The following RAD23B variants were observed in gnomAD, a reference collection of about 807,000 sequenced individuals.
RAD23B encodes RAD23 nucleotide excision repair protein B, also known as lysine-specific demethylase RAD23B.
RAD23B carries 5 observed loss-of-function variants against 49.1 expected under a neutral mutation model. The observed-to-expected ratio is 0.10, with a 90% CI of 0.05 to 0.21. The LOEUF (loss-of-function observed/expected upper bound fraction) is 0.21, where lower values mean the gene tolerates loss of function less well. Among genes scored for constraint, RAD23B ranks in the 10% least tolerant of loss-of-function variants. The probability of loss-of-function intolerance (pLI) is 1.00; values close to 1 mark genes in which losing one functional copy is unlikely to be tolerated. For synonymous variants in RAD23B, 184 were observed against 165.4 expected (o/e 1.11, Z -0.86); for missense variants, 356 against 486.7 (o/e 0.73, Z 2.53).
Position 107,311,633 on chromosome 9 carries a change from A to T in RAD23B, c.498-49A>T, listed in dbSNP as rs758255202. 6 of 1,356,106 alleles carry T rather than the reference A, an allele frequency of 4.4e-6. No homozygotes were observed. The South Asian group carries it at 8.1e-5, about 18-fold the overall frequency. The allele number at this position is 1,356,106 out of a possible 1,614,324, so 84.0% of individuals were successfully genotyped here. On this transcript the variant is annotated intron_variant, in intron 4 of 9. Coordinates refer to ENST00000358015, the MANE Select transcript of RAD23B (RefSeq NM_002874.5). The stretch of plus-strand genomic sequence containing the variant: ...GATAGTTACTAAACTAATGTAAATT[A>T]AATTTTATATACTTTTTAAAATGTG...
At chr9:107,305,509 A>G (rs1826743958) in intron 3 of RAD23B, among the ~76,000 whole-genome samples, 1 of 152,150 alleles carries the variant, frequency 6.6e-6, no homozygotes, top group Non-Finnish European at 1.5e-5. Context: ...GAAAAAAATT[A>G]TCATGTAAGT....
intron 5 of RAD23B, among the ~76,000 whole-genome samples, chr9:107,314,962 C>T (rs894337692): frequency 3.3e-5 from 5 of 152,108 alleles, no homozygotes; most frequent in African/African-American, 1.2e-4. Context: ...TTTTGCCAGT[C>T]ATGTTTTTTG....
chr9:107,296,533 G>A (rs1365584251), intron 1 of RAD23B, among the ~76,000 whole-genome samples: 2 of 151,690 alleles, frequency 1.3e-5, no homozygotes, highest in African/African-American at 4.8e-5. Context: ...TTTTTTATTA[G>A]TGCAAAAACA....
intron 2 of RAD23B, among the ~76,000 whole-genome samples, chr9:107,300,636 GA>G (rs1212131716): frequency 4.0e-5 from 6 of 151,360 alleles, no homozygotes; most frequent in Admixed American, 1.3e-4. Flanking sequence ...CCTACAGGAA[GA>G]AAAAAAATTA....
chr9:107,303,573 A>G lies in RAD23B; in HGVS notation c.228+1459A>G, dbSNP rs181711556. On this transcript the variant is annotated intron_variant, in intron 3 of 9. Transcript: ENST00000358015. ...TTAATCATTTTAAGTGTACAGTTCAATAACATTATAGTTACATTGTTTTGC... is the reference window on the plus strand; with the variant it reads ...TTAATCATTTTAAGTGTACAGTTCAGTAACATTATAGTTACATTGTTTTGC... Among the ~76,000 whole-genome samples the G allele has an allele frequency of 6.2e-3, 937 of 152,338 alleles. 7 individuals are homozygous for G. The highest frequency in any genetic ancestry group is 8.9e-3 in the Non-Finnish European group (607 of 68,010).
rs2133057475 is a variant in RAD23B, at chr9:107,283,709, C to CCGGGGG, written c.66+16_66+21dup. Reference sequence around the variant, plus strand: ...CCCGAGGAGACGGTATGCGCGCGGGCCGGGGGCAGGGGCAGCCGCGTGCGG... The same window carrying CCGGGGG: ...CCCGAGGAGACGGTATGCGCGCGGGCCGGGGGCGGGGGCAGGGGCAGCCGCGTGCGG... On this transcript the variant is annotated intron_variant, in intron 1 of 9. Coordinates refer to ENST00000358015, the MANE Select transcript of RAD23B (RefSeq NM_002874.5). 1.4e-6 allele frequency: 2 copies of CCGGGGG among 1,446,102 alleles called. No homozygotes were observed. The highest frequency in any genetic ancestry group is 6.4e-5 in the East Asian group (2 of 31,138). 89.6% of individuals were successfully genotyped at this position (1,446,102 alleles called of 1,614,324 possible).
chr9:107,321,646 G>A (rs10816492), intron 6 of RAD23B, among the ~76,000 whole-genome samples: 63,349 of 151,930 alleles, frequency 0.42, 14,755 homozygotes, highest in East Asian at 0.72. Flanking sequence ...GAAGGTACAT[G>A]TATCAATATT....
intron 3 of RAD23B, among the ~76,000 whole-genome samples, chr9:107,306,062 T>TAGATATATATAGATATATATATATAC (rs1272904929): frequency 8.6e-5 from 12 of 138,752 alleles, no homozygotes; most frequent in Non-Finnish European, 1.4e-4. Flanking sequence ...TATATATATA[T>TAGATATATATAGATATATATATATAC]ATATATATAT....
intron 2 of RAD23B, among the ~76,000 whole-genome samples, 183 bp from the exon 3 acceptor site, chr9:107,301,852 G>T (rs999485177): frequency 3.3e-5 from 5 of 152,078 alleles, no homozygotes; most frequent in African/African-American, 7.2e-5. Flanking sequence ...CTTAGGAGTT[G>T]TTTTATTTTT....
intron 3 of RAD23B, among the ~76,000 whole-genome samples, chr9:107,306,121 A>G (rs1298755814): frequency 6.8e-6 from 1 of 147,024 alleles, no homozygotes; most frequent in Non-Finnish European, 1.5e-5. Flanking sequence ...TTAACTTGAT[A>G]TGAAGATGGA....
chr9:107,329,494 G>A lies in RAD23B; in HGVS notation c.1117-49G>A, dbSNP rs765286615. The A allele has an allele frequency of 3.5e-6, 4 of 1,130,538 alleles. No individual in the cohort carries two copies. The African/African-American group carries it at 6.2e-5, about 18-fold the overall frequency. 70.0% of individuals were successfully genotyped at this position (1,130,538 alleles called of 1,614,324 possible). On this transcript the variant is annotated intron_variant, in intron 9 of 9. Transcript: ENST00000358015. ...CTATAATATGTAAATAAAATTAAAT[G>A]TGCCATAATTGGTGTGTTGGATTTA...
rs3056494 is a variant in RAD23B at position 107,331,689 on chromosome 9, C to CAA, written c.*2044_*2045dup. 7,802 of 687,522 alleles carry CAA rather than the reference C, an allele frequency of 0.011. 3 individuals are homozygous for CAA. The highest frequency in any genetic ancestry group is 0.019 in the South Asian group (1,248 of 64,848). 42.6% of individuals were successfully genotyped at this position (687,522 alleles called of 1,614,324 possible). On this transcript the variant is annotated 3_prime_UTR_variant, in exon 10 of 10. Coordinates refer to ENST00000358015, the MANE Select transcript of RAD23B (RefSeq NM_002874.5). ...CTCAGATCATAGTGAAAACTGGAAA[C>CAA]AAAAAAAAAAAACAGCCTCTTCTTG...
At chr9:107,304,454 G>GTAA (rs3837270) in intron 3 of RAD23B, among the ~76,000 whole-genome samples, 101,724 of 151,710 alleles carry the variant, frequency 0.67, 34,195 homozygotes, top group East Asian at 0.77. Context: ...TTTTAGAACA[G>GTAA]TAATAATCTG....
chr9:107,293,755 C>T (rs539244203), intron 1 of RAD23B, among the ~76,000 whole-genome samples: 2 of 152,270 alleles, frequency 1.3e-5, no homozygotes, highest in East Asian at 3.9e-4. Context: ...TTTGATGTCT[C>T]ATGCATGACC....
At chr9:107,314,718 T>G (rs72738211) in intron 5 of RAD23B, among the ~76,000 whole-genome samples, 8,984 of 152,314 alleles carry the variant, frequency 0.059, 384 homozygotes, top group South Asian at 0.12. Flanking sequence ...TAAATGATAG[T>G]TCTGTTTTTA....
At chr9:107,310,913 A>G (rs184708519) in intron 4 of RAD23B, among the ~76,000 whole-genome samples, 1 of 152,318 alleles carries the variant, frequency 6.6e-6, no homozygotes, top group East Asian at 1.9e-4. Context: ...CTTTCTCAGA[A>G]CTGAAATATA....
At chr9:107,283,740 G>C (rs1833207617) in intron 1 of RAD23B, 45 bp downstream of exon 1, 13 of 1,386,628 alleles carry the variant, frequency 9.4e-6, no homozygotes, top group Non-Finnish European at 1.1e-5. Flanking sequence ...TGCGGGCCGC[G>C]GGGAGCGCCA....
chr9:107,299,197 A>T (rs1225596476), intron 1 of RAD23B, among the ~76,000 whole-genome samples: 1 of 152,224 alleles, frequency 6.6e-6, no homozygotes, highest in Admixed American at 6.5e-5. Flanking sequence ...TTTTAATTGT[A>T]CAAAAGAAAC....
chr9:107,304,208 T>G (rs1587853501), intron 3 of RAD23B, among the ~76,000 whole-genome samples: 1 of 152,312 alleles, frequency 6.6e-6, no homozygotes, highest in South Asian at 2.1e-4. Flanking sequence ...GAATAAAGTA[T>G]AAGTAGCTGT....
Sources: allele counts gnomAD v4.1 joint callset (sites outside exome capture counted in the v4.1 genomes callset), GRCh38; gene constraint gnomAD v4.1.1; transcripts MANE v1.5; gene names NCBI Gene and HGNC (gene_info 2026-07-23, HGNC 2026-07-21).